FBXL7: variants seen among roughly 807,000 people sequenced by gnomAD.
FBXL7 encodes the protein F-box and leucine rich repeat protein 7.
FBXL7 carries 12 observed loss-of-function variants against 38.3 expected under a neutral mutation model. The ratio of observed to expected loss-of-function variants is 0.31; its 90% CI spans 0.20 to 0.51. The LOEUF is 0.51. Among genes scored for constraint, FBXL7 ranks in the 20% least tolerant of loss-of-function variants. The pLI is 0.98. For synonymous variants in FBXL7, 297 were observed against 300.9 expected (o/e 0.99, Z 0.13); for missense variants, 567 against 676.4 (o/e 0.84, Z 1.79).
chr5:15,580,459 C>T (rs1322196341), intron 1 of FBXL7, among the ~76,000 whole-genome samples: 4 of 152,108 alleles, frequency 2.6e-5, no homozygotes, highest in East Asian at 3.9e-4. Flanking sequence ...GCCATGTGAT[C>T]GTGTGTGGTC....
chr5:15,606,845 T>TG (rs1381856011), intron 1 of FBXL7: 2 of 152,318 alleles, frequency 1.3e-5, no homozygotes, highest in East Asian at 3.9e-4. Context: ...TCGCCCCACT[T>TG]GAAGGCCTCC....
intron 2 of FBXL7, among the ~76,000 whole-genome samples, chr5:15,656,045 A>G (rs915971264): frequency 6.6e-6 from 1 of 152,208 alleles, no homozygotes; most frequent in African/African-American, 2.4e-5. Flanking sequence ...TAAAATACTA[A>G]GAACTTTTAT....
intron 2 of FBXL7, among the ~76,000 whole-genome samples, chr5:15,729,516 T>G (rs558686254): frequency 6.6e-6 from 1 of 152,296 alleles, no homozygotes; most frequent in South Asian, 2.1e-4. Flanking sequence ...AAAATTACTG[T>G]TATTTCAAAC....
At chr5:15,782,796 T>G (rs1350563704) in intron 2 of FBXL7, among the ~76,000 whole-genome samples, 1 of 152,100 alleles carries the variant, frequency 6.6e-6, no homozygotes, top group Admixed American at 6.5e-5. Flanking sequence ...GAATATTTTC[T>G]CCATTTTAAT....
At chr5:15,538,620 A>C (rs1241392554) in intron 1 of FBXL7, among the ~76,000 whole-genome samples, 1 of 152,226 alleles carries the variant, frequency 6.6e-6, no homozygotes, top group Non-Finnish European at 1.5e-5. Flanking sequence ...TCATGAGCTC[A>C]GAATATTAAT....
chr5:15,675,642 A>G (rs1742628497), intron 2 of FBXL7, among the ~76,000 whole-genome samples: 1 of 152,248 alleles, frequency 6.6e-6, no homozygotes, highest in South Asian at 2.1e-4. Flanking sequence ...ACCACTGATC[A>G]CAGATTTGTT....
chr5:15,678,345 T>C (rs76595650), intron 2 of FBXL7, among the ~76,000 whole-genome samples: 1 of 152,164 alleles, frequency 6.6e-6, no homozygotes, highest in Non-Finnish European at 1.5e-5. Context: ...GATTTCTGAC[T>C]CTTCAGCCCA....
intron 2 of FBXL7, among the ~76,000 whole-genome samples, chr5:15,763,245 T>TCCC (rs113073344): frequency 3.9e-5 from 6 of 152,314 alleles, no homozygotes; most frequent in African/African-American, 1.4e-4. Context: ...AAGCATGTAA[T>TCCC]CCCCCTGTGC....
chr5:15,791,848 G>A (rs1730975740), intron 2 of FBXL7, among the ~76,000 whole-genome samples: 3 of 152,106 alleles, frequency 2.0e-5, no homozygotes, highest in Admixed American at 2.0e-4. Context: ...AGGAGCCTTA[G>A]TAGTATATAT....
chr5:15,841,958 T>G (rs2126784430), intron 2 of FBXL7, among the ~76,000 whole-genome samples: 1 of 152,370 alleles, frequency 6.6e-6, no homozygotes, highest in Non-Finnish European at 1.5e-5. Context: ...AGAGAACCTC[T>G]GCTAGGGCAG....
chr5:15,886,653 G>C (rs1021551952), intron 2 of FBXL7, among the ~76,000 whole-genome samples: 1 of 152,038 alleles, frequency 6.6e-6, no homozygotes, highest in Non-Finnish European at 1.5e-5. Flanking sequence ...CTGCCACTTG[G>C]GCTTTTCACC....
At chr5:15,576,558 A>G (rs1363320615) in intron 1 of FBXL7, among the ~76,000 whole-genome samples, 1 of 152,224 alleles carries the variant, frequency 6.6e-6, no homozygotes, top group Non-Finnish European at 1.5e-5. Context: ...TTTGGAAAGT[A>G]AGAATAATAT....
chr5:15,815,699 T>G (rs1737995184), intron 2 of FBXL7, among the ~76,000 whole-genome samples: 1 of 152,312 alleles, frequency 6.6e-6, no homozygotes. Context: ...ATGTCCTATA[T>G]TTGCTTTAAG....
chr5:15,862,958 G>A (rs933874629), intron 2 of FBXL7, among the ~76,000 whole-genome samples: 9 of 152,100 alleles, frequency 5.9e-5, no homozygotes, highest in African/African-American at 2.2e-4. Context: ...AAAGCCCCTG[G>A]GGAACTCAAA....
intron 1 of FBXL7, among the ~76,000 whole-genome samples, chr5:15,605,233 A>G (rs948783683): frequency 2.6e-5 from 4 of 152,176 alleles, no homozygotes; most frequent in Non-Finnish European, 4.4e-5. Flanking sequence ...TGGAAACAAC[A>G]AGCAGTAGAA....
At position 15,820,294 on chromosome 5, in the gene FBXL7, C is replaced by T. The variant is rs370173666; in HGVS notation, c.128-107596C>T. Among the ~76,000 whole-genome samples, 9 of 152,112 alleles carry T rather than the reference C, an allele frequency of 5.9e-5. No individual in the cohort carries two copies. The East Asian group carries it at 7.8e-4, about 13-fold the overall frequency. ...TGTTCTTGTCTGTGTGTGTCCTCAC[C>T]TCCTCAGGCACTGTCATTGGGAGGG... On this transcript the variant is annotated intron_variant, in intron 2 of 3. Coordinates refer to ENST00000504595, the MANE Select transcript of FBXL7 (RefSeq NM_012304.5).
At chr5:15,544,285 C>T (rs193231508) in intron 1 of FBXL7, among the ~76,000 whole-genome samples, 1 of 152,254 alleles carries the variant, frequency 6.6e-6, no homozygotes, top group Admixed American at 6.5e-5. Context: ...CTGGGGCTCA[C>T]CCGTCCTGCA....
chr5:15,502,329 G>A (rs1736517994), intron 1 of FBXL7, among the ~76,000 whole-genome samples: 1 of 147,912 alleles, frequency 6.8e-6, no homozygotes, highest in African/African-American at 2.5e-5. Flanking sequence ...CTCGTATTGT[G>A]CAGTGTGTGG....
At chr5:15,769,102 C>T (rs1736665495) in intron 2 of FBXL7, among the ~76,000 whole-genome samples, 1 of 152,214 alleles carries the variant, frequency 6.6e-6, no homozygotes, top group Admixed American at 6.5e-5. Context: ...GGAGATCCCT[C>T]ACTGCATTGT....
Sources: allele counts gnomAD v4.1 joint callset (sites outside exome capture counted in the v4.1 genomes callset), GRCh38; gene constraint gnomAD v4.1.1; transcripts MANE v1.5; gene names NCBI Gene and HGNC (gene_info 2026-07-23, HGNC 2026-07-21).